CWH43: variants seen among roughly 807,000 people sequenced by gnomAD.
The protein encoded by CWH43 is cell wall biogenesis 43 C-terminal homolog.
A neutral mutation model predicts 85.7 loss-of-function variants in CWH43; 91 were observed. The ratio of observed to expected loss-of-function variants is 1.06; its 90% CI spans 0.90 to 1.26. CWH43 has a LOEUF of 1.26. Among genes scored for constraint, CWH43 ranks in the 50% most tolerant of loss-of-function variants. CWH43 has a pLI of 0.00. For synonymous variants in CWH43, 323 were observed against 293.6 expected, an observed-to-expected ratio of 1.10 and a Z score of -1.02; for missense variants, 869 against 839.2, an observed-to-expected ratio of 1.04 and a Z score of -0.44.
In CWH43 at chr4:49,050,694, G is replaced by T. The variant is rs1264546483; in HGVS notation, c.1866G>T (p.Arg622Ser). 6.2e-7 allele frequency: 1 copy of T among 1,608,536 alleles called. No homozygotes were observed. ...CEYIMYRGLIRLGYARISHAE... is the reference protein window; with the variant it reads ...CEYIMYRGLISLGYARISHAE... ...CAAACCATTTCTGTTTCTGCTACAGGTTGGGTTATGCAAGAATCTCCCATG... is the reference window on the plus strand; with the variant it reads ...CAAACCATTTCTGTTTCTGCTACAGTTTGGGTTATGCAAGAATCTCCCATG... Residue 622 changes from arginine to serine, a missense_variant and splice_region_variant, in exon 15 of 16, where the codon AGG (arginine) becomes AGT (serine). Around this residue, in one of 3 missense-constraint regions of CWH43, gnomAD observed 577 missense variants for 513.1 expected, o/e 1.12. Coordinates refer to ENST00000226432, the MANE Select transcript of CWH43 (RefSeq NM_025087.3).
At chr4:49,041,057 T>A (rs1266246132) in intron 13 of CWH43, among the ~76,000 whole-genome samples, 1 of 152,164 alleles carries the variant, frequency 6.6e-6, no homozygotes, top group Non-Finnish European at 1.5e-5. Context: ...TAGTTGTAAA[T>A]ATGTGGCATT....
chr4:49,031,019 C>A, intron 11 of CWH43, 59 bp downstream of exon 11: 1 of 1,434,192 alleles, frequency 7.0e-7, no homozygotes, highest in Non-Finnish European at 9.2e-7. Context: ...GCTGCATAGG[C>A]TTGGAGTGGC....
At chr4:49,057,591 G>A (rs547996092) in intron 15 of CWH43, among the ~76,000 whole-genome samples, 4 of 152,206 alleles carry the variant, frequency 2.6e-5, no homozygotes, top group South Asian at 4.2e-4. Context: ...TATACTCTGC[G>A]GCTGTTGGGT....
chr4:49,024,165 C>T (rs1783833107), intron 9 of CWH43, among the ~76,000 whole-genome samples: 1 of 152,174 alleles, frequency 6.6e-6, no homozygotes, highest in Non-Finnish European at 1.5e-5. Flanking sequence ...AATAGCAACT[C>T]CTGCTCACTT....
chr4:49,055,285 CTGT>C (rs1219841105), intron 15 of CWH43, among the ~76,000 whole-genome samples: 1 of 152,170 alleles, frequency 6.6e-6, no homozygotes, highest in Non-Finnish European at 1.5e-5. Context: ...GTCTTTTACC[CTGT>C]TAATACATTG....
In CWH43 at chr4:49,006,639, T is replaced by G. The variant is rs28604508; in HGVS notation, c.1061-562T>G. Reference sequence around the variant, plus strand: ...GGTTTTAGATGAAGTAAGTAAACTTTAAGTGTAAGCTAGTTTGTTGCATAT... The same window carrying G: ...GGTTTTAGATGAAGTAAGTAAACTTGAAGTGTAAGCTAGTTTGTTGCATAT... On this transcript the variant is annotated intron_variant, in intron 7 of 15. Transcript: ENST00000226432. Among the ~76,000 whole-genome samples, 991 of 152,310 alleles carry G rather than the reference T, an allele frequency of 6.5e-3. 2 individuals carry two copies. The highest frequency in any genetic ancestry group is 0.014 in the Middle Eastern group (4 of 294).
chr4:49,001,634 C>A (rs775726266), intron 6 of CWH43, among the ~76,000 whole-genome samples: 3 of 152,004 alleles, frequency 2.0e-5, no homozygotes, highest in Non-Finnish European at 4.4e-5. Flanking sequence ...CCTTTTGTAG[C>A]ATTTGAATTG....
At chr4:49,035,263 A>C (rs892885733) in intron 12 of CWH43, among the ~76,000 whole-genome samples, 1 of 152,356 alleles carries the variant, frequency 6.6e-6, no homozygotes, top group African/African-American at 2.4e-5. Flanking sequence ...ATAATTTCTA[A>C]TGCTTGTGCA....
chr4:49,025,801 G>A (rs1172543506), intron 9 of CWH43, among the ~76,000 whole-genome samples: 1 of 152,176 alleles, frequency 6.6e-6, no homozygotes, highest in African/African-American at 2.4e-5. Flanking sequence ...TTGTATTTTT[G>A]TTAAGTGTGC....
At chr4:49,047,080 C>T (rs930153324) in intron 14 of CWH43, among the ~76,000 whole-genome samples, 11 of 152,100 alleles carry the variant, frequency 7.2e-5, no homozygotes, top group Admixed American at 1.3e-4. Flanking sequence ...AGATAGGGGC[C>T]GACGTTAATG....
chr4:49,052,002 C>T (rs1784813436), intron 15 of CWH43, among the ~76,000 whole-genome samples: 1 of 152,120 alleles, frequency 6.6e-6, no homozygotes, highest in South Asian at 2.1e-4. Flanking sequence ...CAGAACATAT[C>T]GTATACATTA....
chr4:49,025,621 T>G (rs2768978), intron 9 of CWH43, among the ~76,000 whole-genome samples: 3 of 152,144 alleles, frequency 2.0e-5, no homozygotes, highest in African/African-American at 7.2e-5. Flanking sequence ...GATTATTTCT[T>G]TTCTGGATCT....
At chr4:49,049,995 A>G (rs930997187) in intron 14 of CWH43, among the ~76,000 whole-genome samples, 10 of 152,194 alleles carry the variant, frequency 6.6e-5, no homozygotes, top group African/African-American at 2.4e-4. Context: ...CTTATTCCCC[A>G]ACACCCAGAA....
chr4:49,029,858 C>A (rs970851446), intron 10 of CWH43, among the ~76,000 whole-genome samples: 2 of 152,196 alleles, frequency 1.3e-5, no homozygotes, highest in Non-Finnish European at 2.9e-5. Flanking sequence ...CGACCTTCTC[C>A]CCACTATCAC....
At chr4:49,013,227 G>T (rs188760056) in intron 8 of CWH43, among the ~76,000 whole-genome samples, 574 of 152,362 alleles carry the variant, frequency 3.8e-3, no homozygotes, top group Non-Finnish European at 6.0e-3. Context: ...ACCAGGCTGC[G>T]CCTTGGAGGT....
In CWH43 at chr4:49,038,028, T is replaced by A; in HGVS notation, c.1659-8T>A. 6.3e-7 allele frequency: 1 copy of A among 1,590,838 alleles called. No individual in the cohort carries two copies. Among genetic ancestry groups the A allele is most frequent in the East Asian group, 2.2e-5 (1 of 44,694 alleles). On this transcript the variant is annotated splice_region_variant and splice_polypyrimidine_tract_variant and intron_variant, in intron 12 of 15. Coordinates refer to ENST00000226432, the MANE Select transcript of CWH43 (RefSeq NM_025087.3). ...TACAATAAAGGGTCATATTTTTACA[T>A]TTTTTAGAGATGACCTCGACAGGAA...
intron 9 of CWH43, among the ~76,000 whole-genome samples, chr4:49,026,343 A>G (rs1206484794): frequency 1.3e-5 from 2 of 152,190 alleles, no homozygotes; most frequent in South Asian, 2.1e-4. Context: ...TGCAGCAACA[A>G]TACACTTCCT....
intron 5 of CWH43, among the ~76,000 whole-genome samples, chr4:48,996,473 C>T (rs2109750068): frequency 1.3e-5 from 2 of 152,228 alleles, no homozygotes; most frequent in Middle Eastern, 3.4e-3. Context: ...TGTGTCAGGT[C>T]CTGAACAAGG....
At chr4:48,994,953 A>G (rs1782766022) in intron 5 of CWH43, 133 bp downstream of exon 5, 2 of 789,334 alleles carry the variant, frequency 2.5e-6, no homozygotes. Context: ...AGAATGTGGC[A>G]TGAAATTATT....
Sources: allele counts gnomAD v4.1 joint callset (sites outside exome capture counted in the v4.1 genomes callset), GRCh38; gene constraint gnomAD v4.1.1; regional missense constraint gnomAD v4.1.1; transcripts MANE v1.5; gene names NCBI Gene and HGNC (gene_info 2026-07-23, HGNC 2026-07-21).